The following DNAJC14 variants were observed in gnomAD, a reference collection of about 807,000 sequenced individuals.
DNAJC14 encodes dnaJ homolog subfamily C member 14.
In DNAJC14, 12 loss-of-function variants were observed where a neutral mutation model predicts 68.8. The observed-to-expected ratio is 0.17, with a 90% confidence interval of 0.11 to 0.28. DNAJC14 has a LOEUF of 0.28. Among genes scored for constraint, DNAJC14 ranks in the 10% least tolerant of loss-of-function variants. DNAJC14 has a pLI of 1.00. For synonymous variants in DNAJC14, 350 were observed against 321.5 expected (o/e 1.09, Z -0.95); for missense variants, 764 against 875.6 (o/e 0.87, Z 1.61).
Position 55,828,231 on chromosome 12 carries a change from G to A in DNAJC14, c.428C>T (p.Ser143Phe). The A allele has an allele frequency of 6.2e-7, 1 of 1,609,344 alleles. No individual in the cohort carries two copies. The highest frequency in any genetic ancestry group is 1.3e-5 in the African/African-American group (1 of 74,684). Residue 143 changes from serine to phenylalanine, a missense_variant, in exon 2 of 7, where the codon TCT (serine) becomes TTT (phenylalanine). Transcript: ENST00000678005. Reference sequence around the variant, plus strand: ...GCTAGAAGAACCATTTCCTCCCTCAGAGTAAGGCCCTTCTGGAATTCCAGG... The same window carrying A: ...GCTAGAAGAACCATTTCCTCCCTCAAAGTAAGGCCCTTCTGGAATTCCAGG... Reference protein sequence around the residue: ...GTPGIPEGPYSEGGNGSSSNF... With the variant: ...GTPGIPEGPYFEGGNGSSSNF...
rs903809725 is a variant in DNAJC14, at chr12:55,828,475, T to G, written c.184A>C (p.Thr62Pro). 1 of 1,614,200 alleles carries G rather than the reference T, an allele frequency of 6.2e-7. No homozygotes were observed. The highest frequency in any genetic ancestry group is 8.5e-7 in the Non-Finnish European group (1 of 1,180,032). Residue 62 changes from threonine (T) to proline (P), a missense_variant, in exon 2 of 7, where the codon ACA becomes CCA. This residue lies in a region of DNAJC14 where 514 missense variants were observed against 521.7 expected (regional missense o/e 0.99). Transcript: ENST00000678005. The part of the protein sequence containing the change: ...CLTEHSGPKH[T>P]QHPNPAHWLD... ...CAATGGGCTGGGTTTGGGTGCTGTGTGTGCTTAGGACCAGAGTGCTCTGTG... is the reference window on the plus strand; with the variant it reads ...CAATGGGCTGGGTTTGGGTGCTGTGGGTGCTTAGGACCAGAGTGCTCTGTG...
Position 55,821,930 on chromosome 12 carries a change from C to T in DNAJC14, c.*47G>A, listed in dbSNP as rs749250502. On this transcript the variant is annotated 3_prime_UTR_variant, in exon 7 of 7. Coordinates refer to ENST00000678005, the MANE Select transcript of DNAJC14 (RefSeq NM_032364.6). ...ATAAATCAAACTCCATCCTGTGCTA[C>T]AGCCCTTTTGACTCCCTGACATTGA... 13 of 1,558,116 alleles carry T rather than the reference C, an allele frequency of 8.3e-6. No homozygotes were observed. The Admixed American group carries it at 1.3e-4, about 16-fold the overall frequency.
rs781539452 is a variant in DNAJC14 at position 55,822,685 on chromosome 12, T to C, written c.1682A>G (p.Glu561Gly). Residue 561 changes from glutamate (E) to glycine (G), a missense_variant, in exon 5 of 7, where the codon GAG (glutamate) becomes GGG (glycine). Physicochemically the swap from Glu to Gly is moderately conservative, Grantham distance 98. Coordinates refer to ENST00000678005, the MANE Select transcript of DNAJC14 (RefSeq NM_032364.6). ...CTCAGCAGGATGCAGCCTATTACAC[T>C]CAGCACAGTATCTGGCACTCTTAGG... ...REPKSARYCAECNRLHPAEEG... is the reference protein window; with the variant it reads ...REPKSARYCAGCNRLHPAEEG... 8 of 1,614,010 alleles carry C rather than the reference T, an allele frequency of 5.0e-6. No homozygotes were observed. Among genetic ancestry groups the C allele is most frequent in the African/African-American group, 1.3e-5 (1 of 74,888 alleles).
chr12:55,827,791 A>C lies in DNAJC14; in HGVS notation c.868T>G (p.Trp290Gly). ...KSSDLDLFRV[W>G]MGVWTGRLGG... ...AACCGCCCTGTCCACACTCCCATCC[A>C]AACTCGAAAAAGGTCCAAATCACTG... Residue 290 changes from tryptophan to glycine, a missense_variant, in exon 2 of 7, where the codon TGG (tryptophan) becomes GGG (glycine). Around this residue, in one of 4 missense-constraint regions of DNAJC14, gnomAD observed 514 missense variants for 521.7 expected, o/e 0.99. Coordinates refer to ENST00000678005, the MANE Select transcript of DNAJC14 (RefSeq NM_032364.6). The C allele has an allele frequency of 6.2e-7, 1 of 1,613,948 alleles. No individual in the cohort carries two copies. The highest frequency in any genetic ancestry group is 8.5e-7 in the Non-Finnish European group (1 of 1,179,908).
At chr12:55,829,719 T>A (rs529403410), upstream of DNAJC14, 4 of 604,798 alleles carry the variant, frequency 6.6e-6, no homozygotes, top group African/African-American at 8.0e-5. Context: ...TAGGGCTGCG[T>A]CGACTCCAAG....
Position 55,826,773 on chromosome 12 carries a change from T to C in DNAJC14, c.1407+479A>G, listed in dbSNP as rs994126784. 7.4e-4 allele frequency among the ~76,000 whole-genome samples: 111 copies of C among 149,650 alleles called. 1 individual carries two copies. The highest frequency in any genetic ancestry group is 1.6e-3 in the Admixed American group (24 of 14,984). On this transcript the variant is annotated intron_variant, in intron 2 of 6. Transcript: ENST00000678005. ...AAGATCACGCCACTGCACTCCAGCC[T>C]GGGCGATAGAGCGTGACTCCGTCTC...
chr12:55,823,924 G>A (rs998470812), intron 2 of DNAJC14, among the ~76,000 whole-genome samples: 3 of 149,988 alleles, frequency 2.0e-5, no homozygotes, highest in Admixed American at 6.7e-5. Flanking sequence ...GTCTGGTCTC[G>A]AACTCCTGAC....
In DNAJC14 at chr12:55,827,716, A is replaced by G. The variant is rs1445332019; in HGVS notation, c.943T>C (p.Cys315Arg). ...AAACGAGTAAACAGTCCTACTCCAC[A>G]GTAAAACCCCTGGCTTAGAAACTGA... ...MFQFLSQGFY[C>R]GVGLFTRFLK... is the part of the protein sequence containing the mutation. Residue 315 changes from cysteine (C) to arginine (R), a missense_variant, in exon 2 of 7, where the codon TGT becomes CGT. Cys to Arg is a radical substitution (Grantham distance 180). Transcript: ENST00000678005. 1 of 1,614,072 alleles carries G rather than the reference A, an allele frequency of 6.2e-7. No homozygotes were observed. Among genetic ancestry groups the G allele is most frequent in the Non-Finnish European group, 8.5e-7 (1 of 1,180,038 alleles).
In DNAJC14 at chr12:55,828,041, ATCC is replaced by A. The variant is rs1298257304; in HGVS notation, c.615_617del (p.Glu205del). The stretch of plus-strand genomic sequence containing the variant: ...GATCCCTACGTCCACCCTCCCGAGT[ATCC>A]TCCTTCGTTGGAAAGCGGTGCCGCT... On this transcript the variant is annotated inframe_deletion, in exon 2 of 7. Coordinates refer to ENST00000678005, the MANE Select transcript of DNAJC14 (RefSeq NM_032364.6). The A allele has an allele frequency of 8.1e-6, 13 of 1,613,094 alleles. No individual in the cohort carries two copies. The highest frequency in any genetic ancestry group is 2.2e-5 in the East Asian group (1 of 44,882).
At chr12:55,823,701 C>G (rs200042496) in intron 2 of DNAJC14, among the ~76,000 whole-genome samples, 193 bp from the exon 3 acceptor site, 36 of 129,844 alleles carry the variant, frequency 2.8e-4, no homozygotes, top group African/African-American at 9.3e-4. Flanking sequence ...CCTTGAATAT[C>G]TTTTTTTTTT....
At position 55,827,790 on chromosome 12, in the gene DNAJC14, C is replaced by G. The variant is rs1880841199; in HGVS notation, c.869G>C (p.Trp290Ser). 7.4e-6 allele frequency: 12 copies of G among 1,613,796 alleles called. No individual in the cohort carries two copies. The South Asian group carries it at 1.1e-4, about 15-fold the overall frequency. ...TAACCGCCCTGTCCACACTCCCATC[C>G]AAACTCGAAAAAGGTCCAAATCACT... Reference protein sequence around the residue: ...KSSDLDLFRVWMGVWTGRLGG... With the variant: ...KSSDLDLFRVSMGVWTGRLGG... The change falls in exon 2 of 7, where the codon TGG becomes TCG. Residue 290 changes from tryptophan to serine, a missense_variant. Coordinates refer to ENST00000678005, the MANE Select transcript of DNAJC14 (RefSeq NM_032364.6).
Position 55,827,885 on chromosome 12 carries a change from C to T in DNAJC14, c.774G>A (p.Leu258=). Residue 258 remains leucine (L), a synonymous_variant, in exon 2 of 7, where the codon CTG becomes CTA. Transcript: ENST00000678005. ...GQAGFWWLIE[L]LVLVGEYVET... ...CTACGTACTCTCCCACCAATACCAG[C>T]AGTTCAATCAGCCACCAAAAGCCTG... The T allele has an allele frequency of 6.2e-7, 1 of 1,610,090 alleles. No individual in the cohort carries two copies. The highest frequency in any genetic ancestry group is 2.2e-5 in the East Asian group (1 of 44,766).
At chr12:55,823,274 T>C in intron 3 of DNAJC14, 85 bp from the exon 4 acceptor site, 1 of 1,604,884 alleles carries the variant, frequency 6.2e-7, no homozygotes, top group Non-Finnish European at 8.5e-7. Context: ...GAGGCCCCTG[T>C]CTAGCGAGAA....
chr12:55,822,322 C>T (rs369156748), intron 6 of DNAJC14, 51 bp downstream of exon 6: 35 of 1,585,004 alleles, frequency 2.2e-5, no homozygotes, highest in African/African-American at 1.2e-4. Context: ...CATCTGAAAC[C>T]GTATTCAAAA....
chr12:55,828,756 A>G, intron 1 of DNAJC14, 42 bp from the exon 2 acceptor site: 2 of 1,451,226 alleles, frequency 1.4e-6, no homozygotes, highest in Non-Finnish European at 1.8e-6. Context: ...GGATGAGACC[A>G]AGAGAGGAAT....
chr12:55,826,643 T>C lies in DNAJC14; in HGVS notation c.1407+609A>G, dbSNP rs1185926894. Among the ~76,000 whole-genome samples the C allele has an allele frequency of 4.0e-5, 6 of 151,322 alleles. No individual in the cohort carries two copies. The East Asian group carries it at 1.2e-3, about 30-fold the overall frequency. On this transcript the variant is annotated intron_variant, in intron 2 of 6. Coordinates refer to ENST00000678005, the MANE Select transcript of DNAJC14 (RefSeq NM_032364.6). ...GGTGAAACCCCGTTTCTACTAAAAA[T>C]ACAAAAATTAGCCAGGCACAGTGGC...
rs761246891 is a variant in DNAJC14 at position 55,823,426 on chromosome 12, G to A, written c.1490C>T (p.Ala497Val). 1 of 1,614,148 alleles carries A rather than the reference G, an allele frequency of 6.2e-7. No individual in the cohort carries two copies. Among genetic ancestry groups the A allele is most frequent in the Non-Finnish European group, 8.5e-7 (1 of 1,180,028 alleles). ...CATCTCATACTCCTTTCGCTTTTCA[G>A]CATTGCTGACAATGTCCCAAGCTGC... is the stretch of plus-strand genomic sequence containing the variant. ...LRAAWDIVSN[A>V]EKRKEYEMKR... The change falls in exon 3 of 7, where the codon GCT (alanine) becomes GTT (valine). Residue 497 changes from alanine (A) to valine (V), a missense_variant. Ala to Val is a moderately conservative substitution (Grantham distance 64). Coordinates refer to ENST00000678005, the MANE Select transcript of DNAJC14 (RefSeq NM_032364.6).
chr12:55,822,868 G>A (rs111254933), intron 4 of DNAJC14, 136 bp from the exon 5 acceptor site: 12 of 1,389,000 alleles, frequency 8.6e-6, no homozygotes, highest in South Asian at 1.4e-5. Flanking sequence ...TCCCTTCAAC[G>A]TTCTATCCTA....
At position 55,821,928 on chromosome 12, in the gene DNAJC14, T is replaced by C. The variant is rs780076485; in HGVS notation, c.*49A>G. 3.8e-5 allele frequency: 59 copies of C among 1,558,320 alleles called. No individual in the cohort carries two copies. The highest frequency in any genetic ancestry group is 5.1e-5 in the Non-Finnish European group (59 of 1,148,292). On this transcript the variant is annotated 3_prime_UTR_variant, in exon 7 of 7. Transcript: ENST00000678005. The stretch of plus-strand genomic sequence containing the variant: ...GGATAAATCAAACTCCATCCTGTGC[T>C]ACAGCCCTTTTGACTCCCTGACATT...
Sources: gnomAD v4.1 joint callset for allele counts (sites outside exome capture counted in the v4.1 genomes callset) on GRCh38, gnomAD v4.1.1 for gene constraint, gnomAD v4.1.1 regional missense constraint, MANE v1.5 for transcripts, NCBI Gene and HGNC (gene_info 2026-07-23, HGNC 2026-07-21) for gene names.